TMCC1: variants seen among roughly 807,000 people sequenced by gnomAD.
TMCC1 encodes the protein transmembrane and coiled-coil domains protein 1.
Under a neutral mutation model 52.4 loss-of-function variants are expected in TMCC1, and 15 were observed. The ratio of observed to expected loss-of-function variants is 0.29; its 90% CI spans 0.19 to 0.44. The LOEUF (loss-of-function observed/expected upper bound fraction) is 0.44. Among genes scored for constraint, TMCC1 ranks in the 20% least tolerant of loss-of-function variants. TMCC1 has a pLI of 1.00. For synonymous variants in TMCC1, 279 were observed against 301.9 expected (o/e 0.92, Z 0.79); for missense variants, 503 against 806.0 (o/e 0.62, Z 4.55).
intron 2 of TMCC1, among the ~76,000 whole-genome samples, chr3:129,839,449 AT>A (rs2059324187): frequency 6.6e-6 from 1 of 152,182 alleles, no homozygotes; most frequent in Non-Finnish European, 1.5e-5. Flanking sequence ...TAAAAAAAAA[AT>A]CACACCAAAG....
intron 4 of TMCC1, among the ~76,000 whole-genome samples, chr3:129,789,310 A>T (rs2056280689): frequency 6.6e-6 from 1 of 152,224 alleles, no homozygotes; most frequent in South Asian, 2.1e-4. Context: ...TAACCTACTC[A>T]AGATGGAAAT....
chr3:129,682,489 T>C lies in TMCC1; in HGVS notation c.577-11225A>G, dbSNP rs547749196. Reference sequence around the variant, plus strand: ...TATATTTTAGATAATAGGGTTTCTGTAGGCCCTTAAAAAGCTCAGTCCCCT... The same window carrying C: ...TATATTTTAGATAATAGGGTTTCTGCAGGCCCTTAAAAAGCTCAGTCCCCT... On this transcript the variant is annotated intron_variant, in intron 4 of 6. Transcript: ENST00000393238. 2.6e-5 allele frequency among the ~76,000 whole-genome samples: 4 copies of C among 152,290 alleles called. No individual in the cohort carries two copies. The South Asian group carries it at 6.2e-4, about 24-fold the overall frequency.
intron 4 of TMCC1, among the ~76,000 whole-genome samples, chr3:129,704,449 C>T (rs1366242474): frequency 1.3e-5 from 2 of 152,158 alleles, no homozygotes; most frequent in African/African-American, 2.4e-5. Flanking sequence ...GACAGAGTCT[C>T]ACTCTATTGC....
At chr3:129,675,688 T>C (rs1029182722) in intron 4 of TMCC1, among the ~76,000 whole-genome samples, 3 of 152,206 alleles carry the variant, frequency 2.0e-5, no homozygotes, top group African/African-American at 7.2e-5. Context: ...TCACCTATGC[T>C]AGATATAGTT....
chr3:129,818,417 A>T (rs1202929128), intron 4 of TMCC1, among the ~76,000 whole-genome samples: 1 of 148,528 alleles, frequency 6.7e-6, no homozygotes, highest in Non-Finnish European at 1.5e-5. Flanking sequence ...ACTTTTAAAG[A>T]AAAGTTTTAA....
At chr3:129,696,534 A>G (rs1238097747) in intron 4 of TMCC1, among the ~76,000 whole-genome samples, 1 of 152,232 alleles carries the variant, frequency 6.6e-6, no homozygotes, top group African/African-American at 2.4e-5. Context: ...AAATCTATTC[A>G]AATATTTTAC....
intron 4 of TMCC1, among the ~76,000 whole-genome samples, chr3:129,749,929 T>C (rs745824107): frequency 6.6e-6 from 1 of 152,194 alleles, no homozygotes; most frequent in Non-Finnish European, 1.5e-5. Flanking sequence ...GTTTTGAATC[T>C]TGCAGTAGAC....
At chr3:129,860,518 CATTG>C (rs745826144) in intron 2 of TMCC1, among the ~76,000 whole-genome samples, 7 of 152,098 alleles carry the variant, frequency 4.6e-5, no homozygotes, top group Non-Finnish European at 2.9e-5. Flanking sequence ...AAAATGTTAA[CATTG>C]ATTACCACTG....
chr3:129,847,735 G>A (rs1261048359), intron 2 of TMCC1: 1 of 152,078 alleles, frequency 6.6e-6, no homozygotes, highest in East Asian at 1.9e-4. Context: ...CATTTACTTT[G>A]AAAGAAACTG....
At chr3:129,771,318 A>C (rs768177048) in intron 4 of TMCC1, among the ~76,000 whole-genome samples, 9 of 152,220 alleles carry the variant, frequency 5.9e-5, no homozygotes, top group Non-Finnish European at 1.3e-4. Context: ...GTTTGGCTGA[A>C]TATTTGGCCC....
At chr3:129,834,995 T>A (rs2059090536) in intron 2 of TMCC1, among the ~76,000 whole-genome samples, 1 of 152,216 alleles carries the variant, frequency 6.6e-6, no homozygotes, top group Admixed American at 6.5e-5. Context: ...TTTCCTTGCA[T>A]CCAGCCTTGG....
At chr3:129,795,343 AC>A (rs982142667) in intron 4 of TMCC1, among the ~76,000 whole-genome samples, 8 of 152,240 alleles carry the variant, frequency 5.3e-5, no homozygotes, top group Non-Finnish European at 7.3e-5. Flanking sequence ...CTTCCAGACA[AC>A]CACTGTGAGG....
At chr3:129,820,718 C>G (rs1431754860) in intron 4 of TMCC1, among the ~76,000 whole-genome samples, 2 of 152,108 alleles carry the variant, frequency 1.3e-5, no homozygotes, top group Non-Finnish European at 2.9e-5. Context: ...GGACAATGCT[C>G]CAGCACTCTT....
At chr3:129,692,888 G>A (rs575546159) in intron 4 of TMCC1, among the ~76,000 whole-genome samples, 1 of 152,152 alleles carries the variant, frequency 6.6e-6, no homozygotes, top group African/African-American at 2.4e-5. Context: ...TGTTGCCCAG[G>A]CTGGAGTGCA....
intron 2 of TMCC1, among the ~76,000 whole-genome samples, chr3:129,879,660 T>C (rs1040134025): frequency 6.6e-6 from 1 of 152,330 alleles, no homozygotes; most frequent in East Asian, 1.9e-4. Flanking sequence ...TCTCAAAGCA[T>C]GGAAGTAATA....
chr3:129,697,051 GC>G (rs1319960427), intron 4 of TMCC1, among the ~76,000 whole-genome samples: 1 of 152,176 alleles, frequency 6.6e-6, no homozygotes, highest in East Asian at 1.9e-4. Flanking sequence ...GAGAATGGTG[GC>G]CCTCTTCTAG....
At chr3:129,850,592 A>T (rs1013659441) in intron 2 of TMCC1, among the ~76,000 whole-genome samples, 3 of 152,132 alleles carry the variant, frequency 2.0e-5, no homozygotes, top group African/African-American at 7.2e-5. Flanking sequence ...CAGTTTTCCA[A>T]ACAATAGTTG....
rs1340298200 is a variant in TMCC1 at position 129,827,839 on chromosome 3, A to G, written c.540T>C (p.Ala180=). 1 of 1,487,496 alleles carries G rather than the reference A, an allele frequency of 6.7e-7. No homozygotes were observed. 92.1% of individuals were successfully genotyped at this position (1,487,496 alleles called of 1,614,324 possible). A position where few individuals can be genotyped will look rare whatever the true frequency, so the allele number is the denominator to read the frequency against. ...EIACAAAAAA[A]ACLPGEEGTA... is the part of the protein sequence containing the mutation. ...TTCCCTCCTCTCCTGGTAGACATGC[A>G]GCAGCAGCAGCAGCAGCAGCACAAG... Residue 180 remains alanine, a synonymous_variant, in exon 4 of 7, where the codon GCT becomes GCC. Coordinates refer to ENST00000393238, the MANE Select transcript of TMCC1 (RefSeq NM_001017395.5).
At chr3:129,805,382 C>T (rs746528786) in intron 4 of TMCC1, among the ~76,000 whole-genome samples, 3 of 152,068 alleles carry the variant, frequency 2.0e-5, no homozygotes, top group Admixed American at 1.3e-4. Flanking sequence ...AGGCTGTTCT[C>T]GAACTCCTGG....
Sources: gnomAD v4.1 joint callset for allele counts (sites outside exome capture counted in the v4.1 genomes callset) on GRCh38, gnomAD v4.1.1 for gene constraint, MANE v1.5 for transcripts, NCBI Gene and HGNC (gene_info 2026-07-23, HGNC 2026-07-21) for gene names.